The following ASIC2 variants were observed in gnomAD, a reference collection of about 807,000 sequenced individuals.
ASIC2 encodes the protein acid sensing ion channel subunit 2.
In ASIC2, 25 loss-of-function variants were observed where a neutral mutation model predicts 57.3. The observed-to-expected ratio is 0.44, with a 90% CI of 0.32 to 0.61. The LOEUF (loss-of-function observed/expected upper bound fraction) is 0.61, where lower values mean the gene tolerates loss of function less well. Among genes scored for constraint, ASIC2 ranks in the 20% least tolerant of loss-of-function variants. The probability of loss-of-function intolerance (pLI) is 0.06; values close to 1 mark genes in which losing one functional copy is unlikely to be tolerated. For missense variants in ASIC2, 641 were observed against 738.1 expected, an observed-to-expected ratio of 0.87 and a Z score of 1.52; for synonymous variants, 319 against 307.5, an observed-to-expected ratio of 1.04 and a Z score of -0.39.
At chr17:33,299,115 A>G (rs1468478545) in intron 1 of ASIC2, among the ~76,000 whole-genome samples, 1 of 152,260 alleles carries the variant, frequency 6.6e-6, no homozygotes, top group Non-Finnish European at 1.5e-5. Flanking sequence ...GAACCAAAAA[A>G]GAGCCTGCAT....
At chr17:33,460,864 C>T (rs1912611791) in intron 1 of ASIC2, among the ~76,000 whole-genome samples, 2 of 152,252 alleles carry the variant, frequency 1.3e-5, no homozygotes, top group South Asian at 4.2e-4. Context: ...GATTTCTCAC[C>T]ATCCTGTGCA....
chr17:33,136,094 A>G (rs1377320923), intron 1 of ASIC2, among the ~76,000 whole-genome samples: 3 of 152,230 alleles, frequency 2.0e-5, no homozygotes, highest in East Asian at 3.8e-4. Flanking sequence ...GAGCATAGGG[A>G]ATCTGTGTGC....
chr17:33,228,032 A>G (rs1195008341), intron 1 of ASIC2, among the ~76,000 whole-genome samples: 2 of 152,176 alleles, frequency 1.3e-5, no homozygotes, highest in Non-Finnish European at 2.9e-5. Flanking sequence ...AAGGGACTTG[A>G]AGGAATCTAC....
chr17:33,488,039 T>G (rs1159929311), intron 1 of ASIC2, among the ~76,000 whole-genome samples: 1 of 152,214 alleles, frequency 6.6e-6, no homozygotes, highest in African/African-American at 2.4e-5. Context: ...CATATATACA[T>G]AGATCCTATT....
intron 1 of ASIC2, among the ~76,000 whole-genome samples, chr17:33,392,862 G>A (rs1018030453): frequency 1.3e-5 from 2 of 152,146 alleles, no homozygotes; most frequent in African/African-American, 4.8e-5. Flanking sequence ...GTTCACCTTT[G>A]CAGCTCCTGT....
intron 1 of ASIC2, among the ~76,000 whole-genome samples, chr17:33,322,753 G>A (rs1236706403): frequency 6.6e-6 from 1 of 152,064 alleles, no homozygotes; most frequent in Admixed American, 6.6e-5. Flanking sequence ...GAAGAGCAGA[G>A]GGAGCAAAGA....
intron 1 of ASIC2, among the ~76,000 whole-genome samples, chr17:33,875,567 C>A (rs1914525813): frequency 6.6e-6 from 1 of 152,172 alleles, no homozygotes; most frequent in African/African-American, 2.4e-5. Flanking sequence ...ACTCAGTCCC[C>A]AAAGCCCCAT....
intron 1 of ASIC2, among the ~76,000 whole-genome samples, chr17:33,476,388 T>G (rs553918580): frequency 3.9e-5 from 6 of 152,246 alleles, no homozygotes; most frequent in Admixed American, 2.0e-4. Flanking sequence ...AACTTATTTA[T>G]CCACTTCCTT....
At chr17:33,132,613 A>G (rs2092351508) in intron 1 of ASIC2, among the ~76,000 whole-genome samples, 1 of 152,208 alleles carries the variant, frequency 6.6e-6, no homozygotes, top group Non-Finnish European at 1.5e-5. Context: ...GCGCTCATGC[A>G]CACTTGCGAC....
At chr17:34,143,575 G>A (rs1912330872) in intron 1 of ASIC2, among the ~76,000 whole-genome samples, 1 of 152,156 alleles carries the variant, frequency 6.6e-6, no homozygotes, top group African/African-American at 2.4e-5. Context: ...GCCATGTTTT[G>A]ATGCAGCACA....
At chr17:33,550,957 G>C (rs1407333618) in intron 1 of ASIC2, among the ~76,000 whole-genome samples, 1 of 152,168 alleles carries the variant, frequency 6.6e-6, no homozygotes, top group Non-Finnish European at 1.5e-5. Flanking sequence ...ATATGTTGAA[G>C]CTCTGGGTGG....
intron 1 of ASIC2, chr17:34,038,007 G>T (rs941919309): frequency 6.4e-5 from 103 of 1,613,310 alleles, no homozygotes; most frequent in Non-Finnish European, 7.5e-5. Flanking sequence ...CACTCTGGTG[G>T]TAAATACCAA....
At chr17:33,509,607 A>G (rs1171132823) in intron 1 of ASIC2, among the ~76,000 whole-genome samples, 2 of 152,214 alleles carry the variant, frequency 1.3e-5, no homozygotes, top group Non-Finnish European at 2.9e-5. Context: ...AGTTGTGTTT[A>G]TCATTCATCA....
At chr17:33,213,905 C>T (rs915679840) in intron 1 of ASIC2, among the ~76,000 whole-genome samples, 1 of 152,174 alleles carries the variant, frequency 6.6e-6, no homozygotes, top group East Asian at 1.9e-4. Flanking sequence ...GAGAGAATAA[C>T]AAGATATGAT....
chr17:33,782,808 C>T (rs1911494878), intron 1 of ASIC2, among the ~76,000 whole-genome samples: 1 of 152,158 alleles, frequency 6.6e-6, no homozygotes, highest in South Asian at 2.1e-4. Flanking sequence ...CAGTGCCTTC[C>T]TACATGCTGA....
chr17:33,407,385 A>G (rs1277989535), intron 1 of ASIC2, among the ~76,000 whole-genome samples: 1 of 152,218 alleles, frequency 6.6e-6, no homozygotes, highest in Non-Finnish European at 1.5e-5. Context: ...TCATATAATA[A>G]CAACCATTGT....
At chr17:33,734,108 C>T (rs865844668) in intron 1 of ASIC2, among the ~76,000 whole-genome samples, 8 of 152,272 alleles carry the variant, frequency 5.3e-5, no homozygotes, top group Admixed American at 5.2e-4. Flanking sequence ...CCCCCTACCC[C>T]ACAGGCACAG....
At chr17:33,106,381 T>C (rs1202302573) in intron 2 of ASIC2, among the ~76,000 whole-genome samples, 1 of 152,206 alleles carries the variant, frequency 6.6e-6, no homozygotes, top group Non-Finnish European at 1.5e-5. Flanking sequence ...GCAGATTGTA[T>C]TTGATAAAAA....
chr17:33,497,418 A>T (rs1913970741), intron 1 of ASIC2, among the ~76,000 whole-genome samples: 1 of 151,230 alleles, frequency 6.6e-6, no homozygotes, highest in Non-Finnish European at 1.5e-5. Flanking sequence ...TCTTGATGCA[A>T]CTTTTTTTTT....
Sources: gnomAD v4.1 joint callset for allele counts (sites outside exome capture counted in the v4.1 genomes callset) on GRCh38, gnomAD v4.1.1 for gene constraint, MANE v1.5 for transcripts, NCBI Gene and HGNC (gene_info 2026-07-23, HGNC 2026-07-21) for gene names.